PRKACB: variants seen among roughly 807,000 people sequenced by gnomAD.
PRKACB encodes the protein cAMP-dependent protein kinase catalytic subunit beta.
In PRKACB, 16 loss-of-function variants were observed where a neutral mutation model predicts 51.4. The observed-to-expected ratio is 0.31, with a 90% CI of 0.21 to 0.47. The LOEUF (loss-of-function observed/expected upper bound fraction) is 0.47. Among genes scored for constraint, PRKACB ranks in the 20% least tolerant of loss-of-function variants. PRKACB has a pLI of 1.00. For synonymous variants in PRKACB, 147 were observed against 154.4 expected, an observed-to-expected ratio of 0.95 and a Z score of 0.35; for missense variants, 309 against 464.5, an observed-to-expected ratio of 0.67 and a Z score of 3.08.
At chr1:84,198,749 TAAAC>T (rs1271501862) in intron 7 of PRKACB, among the ~76,000 whole-genome samples, 13 of 150,508 alleles carry the variant, frequency 8.6e-5, no homozygotes, top group East Asian at 3.9e-4. Flanking sequence ...CAGAAAAACA[TAAAC>T]AAACAACCAA....
intron 1 of PRKACB, among the ~76,000 whole-genome samples, chr1:84,130,979 C>T (rs573434175): frequency 3.0e-4 from 45 of 152,100 alleles, no homozygotes; most frequent in African/African-American, 9.9e-4. Context: ...GTGTATAGGT[C>T]GGAAACAACT....
intron 9 of PRKACB, among the ~76,000 whole-genome samples, chr1:84,228,742 G>A (rs181569629): frequency 2.2e-4 from 34 of 151,998 alleles, no homozygotes; most frequent in Admixed American, 2.2e-3. Flanking sequence ...ATAAACTTGG[G>A]AATTAAAAAA....
rs140066237 is a variant in PRKACB, at chr1:84,092,380, T to C, written c.46+14009T>C. On this transcript the variant is annotated intron_variant, in intron 1 of 8. Coordinates refer to the PRKACB transcript ENST00000370688. ...ATTAATTTTCACAGATATATATCAT[T>C]GTATAAGTATAGCAAAACATATTTT... Among the ~76,000 whole-genome samples, 884 of 152,316 alleles carry C rather than the reference T, an allele frequency of 5.8e-3. 48 individuals are homozygous for C. The highest frequency in any genetic ancestry group is 0.053 in the Admixed American group (813 of 15,304).
At chr1:84,122,514 A>T (rs1353995602) in intron 1 of PRKACB, among the ~76,000 whole-genome samples, 3 of 152,202 alleles carry the variant, frequency 2.0e-5, no homozygotes, top group African/African-American at 7.2e-5. Context: ...ATATTAAGTC[A>T]TAGTGTCTAA....
intron 1 of PRKACB, among the ~76,000 whole-genome samples, chr1:84,108,374 AAAAG>A (rs1649955535): frequency 2.0e-5 from 3 of 152,100 alleles, no homozygotes; most frequent in South Asian, 4.2e-4. Flanking sequence ...GAAGAAAAGA[AAAAG>A]AAAAACTATT....
At chr1:84,107,162 A>T (rs1649820626) in intron 1 of PRKACB, among the ~76,000 whole-genome samples, 1 of 152,140 alleles carries the variant, frequency 6.6e-6, no homozygotes, top group Admixed American at 6.6e-5. Flanking sequence ...ATTTTAAAAC[A>T]TATATAAAAT....
Position 84,144,311 on chromosome 1 carries a change from T to G in PRKACB, c.-51T>G. 2 of 1,588,478 alleles carry G rather than the reference T, an allele frequency of 1.3e-6. No individual in the cohort carries two copies. Among genetic ancestry groups the G allele is most frequent in the Non-Finnish European group, 1.7e-6 (2 of 1,171,714 alleles). ...AGCTTCTGTGTAAGAAGTTGTGAGC[T>G]CCTTCTGGAAACATTTGCAGTTACA... On this transcript the variant is annotated 5_prime_UTR_variant, in exon 1 of 10. Coordinates refer to ENST00000370685, the MANE Select transcript of PRKACB (RefSeq NM_182948.4).
At chr1:84,143,265 A>G (rs1653608293), upstream of PRKACB, among the ~76,000 whole-genome samples, 1 of 152,116 alleles carries the variant, frequency 6.6e-6, no homozygotes, top group Admixed American at 6.5e-5. Context: ...TGACCTGGCC[A>G]ACATGGAGAA....
rs145786308 is a variant in PRKACB, at chr1:84,218,541, G to T, written c.1071+4224G>T. ...TATTCCTATATATATTACATTTTCT[G>T]TACCCATTCATGTGTTGAAGGACAC... On this transcript the variant is annotated intron_variant, in intron 9 of 9. Transcript: ENST00000370685. Among the ~76,000 whole-genome samples, 141 of 151,908 alleles carry T rather than the reference G, an allele frequency of 9.3e-4. 1 individual carries two copies. The East Asian group carries it at 0.025, about 27-fold the overall frequency.
intron 1 of PRKACB, among the ~76,000 whole-genome samples, chr1:84,110,794 G>A (rs1271166056): frequency 6.6e-6 from 1 of 151,970 alleles, no homozygotes; most frequent in East Asian, 1.9e-4. Flanking sequence ...TATGAACCCT[G>A]CAAAGTCAAA....
chr1:84,177,700 A>G (rs900959366), intron 1 of PRKACB, among the ~76,000 whole-genome samples: 1 of 151,942 alleles, frequency 6.6e-6, no homozygotes, highest in Non-Finnish European at 1.5e-5. Flanking sequence ...TGTGATCATG[A>G]CACTGCACTC....
intron 1 of PRKACB, among the ~76,000 whole-genome samples, chr1:84,168,370 A>G (rs1469455593): frequency 6.6e-6 from 1 of 151,520 alleles, no homozygotes; most frequent in African/African-American, 2.4e-5. Flanking sequence ...GAAAGCTTCA[A>G]AGTTTATGTG....
At chr1:84,110,655 T>G (rs896576211) in intron 1 of PRKACB, among the ~76,000 whole-genome samples, 1 of 151,990 alleles carries the variant, frequency 6.6e-6, no homozygotes, top group African/African-American at 2.4e-5. Context: ...TAGTAGAGTT[T>G]CCCTAATCTA....
rs1351047251 is a variant in PRKACB, at chr1:84,177,048, G to A, written c.188-2129G>A. Reference sequence around the variant, plus strand: ...CACTTAGCATAAAGTGACAGGAGAAGCTGAAACAGGATGTTAAAGTTGTTT... The same window carrying A: ...CACTTAGCATAAAGTGACAGGAGAAACTGAAACAGGATGTTAAAGTTGTTT... On this transcript the variant is annotated intron_variant, in intron 1 of 9. Coordinates refer to ENST00000370685, the MANE Select transcript of PRKACB (RefSeq NM_182948.4). Among the ~76,000 whole-genome samples, 3 of 152,078 alleles carry A rather than the reference G, an allele frequency of 2.0e-5. No individual in the cohort carries two copies. The East Asian group carries it at 5.8e-4, about 29-fold the overall frequency.
intron 1 of PRKACB, among the ~76,000 whole-genome samples, chr1:84,158,592 T>A (rs758070405): frequency 1.3e-5 from 2 of 150,136 alleles, no homozygotes; most frequent in African/African-American, 2.4e-5. Context: ...AAAATATAAA[T>A]ATCAAATATT....
chr1:84,232,061 G>A lies in PRKACB; in HGVS notation c.1072-3119G>A, dbSNP rs148510153. On this transcript the variant is annotated intron_variant, in intron 9 of 9. Transcript: ENST00000370685. ...CTGCTTTCTCTTGTGGGCATTTAGTGCCATAAATTTCCCTCCACACACTGC... is the reference window on the plus strand; with the variant it reads ...CTGCTTTCTCTTGTGGGCATTTAGTACCATAAATTTCCCTCCACACACTGC... Among the ~76,000 whole-genome samples, 344 of 151,600 alleles carry A rather than the reference G, an allele frequency of 2.3e-3. 1 individual carries two copies. The highest frequency in any genetic ancestry group is 8.0e-3 in the African/African-American group (328 of 41,250).
intron 9 of PRKACB, among the ~76,000 whole-genome samples, chr1:84,223,026 A>G (rs1432967650): frequency 1.3e-5 from 2 of 152,136 alleles, no homozygotes; most frequent in Non-Finnish European, 2.9e-5. Context: ...TTGATGTTTG[A>G]GCTTCCTGTA....
At chr1:84,214,797 A>G (rs1229149621) in intron 9 of PRKACB, among the ~76,000 whole-genome samples, 1 of 152,092 alleles carries the variant, frequency 6.6e-6, no homozygotes, top group Non-Finnish European at 1.5e-5. Flanking sequence ...ACCTGGCCTT[A>G]CCTAGCTTAA....
chr1:84,172,770 T>A (rs1165554517), intron 1 of PRKACB, among the ~76,000 whole-genome samples: 1 of 151,668 alleles, frequency 6.6e-6, no homozygotes, highest in Non-Finnish European at 1.5e-5. Flanking sequence ...AATTAACAAG[T>A]AATAAAACAC....
Sources: gnomAD v4.1 joint callset for allele counts (sites outside exome capture counted in the v4.1 genomes callset) on GRCh38, gnomAD v4.1.1 for gene constraint, MANE v1.5 for transcripts, NCBI Gene and HGNC (gene_info 2026-07-23, HGNC 2026-07-21) for gene names.